Variants in PLXNA4 observed in about 807,000 individuals in gnomAD.
PLXNA4 encodes plexin A4, also known as plexin-A4.
PLXNA4 carries 44 observed loss-of-function variants against 191.8 expected under a neutral mutation model. That is an observed-to-expected ratio of 0.23 (90% CI 0.18 to 0.29). The LOEUF (loss-of-function observed/expected upper bound fraction) is 0.29, where lower values mean the gene tolerates loss of function less well. PLXNA4 is among the 10% of genes least tolerant of loss of function. PLXNA4 has a pLI of 1.00. For synonymous variants in PLXNA4, 1,082 were observed against 1,009.5 expected (o/e 1.07, Z -1.36); for missense variants, 1,800 against 2,488.8 (o/e 0.72, Z 5.89).
intron 29 of PLXNA4, 87 bp from the exon 30 acceptor site, chr7:132,140,898 A>G: frequency 1.3e-6 from 2 of 1,547,760 alleles, no homozygotes. Context: ...AGAAGGAGAG[A>G]AGCCTGGGGA....
At chr7:132,558,781 G>A (rs1032708676) in intron 1 of PLXNA4, among the ~76,000 whole-genome samples, 4 of 152,164 alleles carry the variant, frequency 2.6e-5, no homozygotes, top group South Asian at 4.1e-4. Context: ...CTTCTCATCC[G>A]AGCATAAAGC....
At chr7:132,423,237 C>T (rs138355327) in intron 3 of PLXNA4, among the ~76,000 whole-genome samples, 1 of 152,350 alleles carries the variant, frequency 6.6e-6, no homozygotes, top group East Asian at 1.9e-4. Context: ...TTCACTTTTA[C>T]ATCAATCAGA....
At chr7:132,311,156 T>TTGTGTGTGTG (rs749947062) in intron 3 of PLXNA4, among the ~76,000 whole-genome samples, 5,249 of 131,982 alleles carry the variant, frequency 0.04, 156 homozygotes, top group African/African-American at 0.076. Context: ...TCTAGGATAA[T>TTGTGTGTGTG]TGTGTGTGTG....
chr7:132,523,640 T>A (rs1274997324), intron 1 of PLXNA4, among the ~76,000 whole-genome samples: 1 of 152,194 alleles, frequency 6.6e-6, no homozygotes, highest in Non-Finnish European at 1.5e-5. Context: ...GCTAGCAAGC[T>A]CAGTCTGGCT....
At position 132,223,571 on chromosome 7, in the gene PLXNA4, G is replaced by A; in HGVS notation, c.2053C>T (p.Pro685Ser). Residue 685 changes from proline to serine, a missense_variant, in exon 9 of 32, where the codon CCC becomes TCC. Physicochemically the swap from Pro to Ser is moderately conservative, Grantham distance 74. This residue lies in a region of PLXNA4 where 1,397 missense variants were observed against 1,880.4 expected (regional missense o/e 0.74). Transcript: ENST00000321063. The part of the protein sequence containing the change: ...CKYRHVCTHD[P>S]KTCSFQEGRV... ...CCTTCCTGGAAGGAGCAGGTCTTGG[G>A]GTCATGGGTGCAGACATGCCGGTAT... The A allele has an allele frequency of 6.2e-7, 1 of 1,613,764 alleles. No individual in the cohort carries two copies. The highest frequency in any genetic ancestry group is 8.5e-7 in the Non-Finnish European group (1 of 1,179,886).
chr7:132,375,792 G>A (rs1804635541), intron 3 of PLXNA4, among the ~76,000 whole-genome samples: 1 of 152,240 alleles, frequency 6.6e-6, no homozygotes, highest in Admixed American at 6.5e-5. Flanking sequence ...TCAGTCAGCA[G>A]GGTGGGAAAC....
intron 1 of PLXNA4, among the ~76,000 whole-genome samples, chr7:132,557,713 T>C (rs1800864614): frequency 6.6e-6 from 1 of 152,108 alleles, no homozygotes; most frequent in East Asian, 1.9e-4. Flanking sequence ...AGAGACCAAC[T>C]CATTAGGTGC....
At chr7:132,160,659 C>T (rs993322795) in intron 24 of PLXNA4, among the ~76,000 whole-genome samples, 3 of 152,128 alleles carry the variant, frequency 2.0e-5, no homozygotes, top group African/African-American at 7.2e-5. Context: ...TCTGGGCTCC[C>T]GAACTCTCCC....
chr7:132,580,967 C>G (rs144336942), upstream of PLXNA4, among the ~76,000 whole-genome samples: 4 of 152,292 alleles, frequency 2.6e-5, no homozygotes, highest in East Asian at 7.7e-4. Flanking sequence ...AGGAGCCTTC[C>G]GCAGTGACAC....
chr7:132,601,607 CAGA>C (rs1802821905), intron 2 of PLXNA4, among the ~76,000 whole-genome samples: 1 of 152,152 alleles, frequency 6.6e-6, no homozygotes, highest in Non-Finnish European at 1.5e-5. Flanking sequence ...TCTTACATGA[CAGA>C]AGAACAAGAT....
In PLXNA4 at chr7:132,294,544, T is replaced by C. The variant is rs150933807; in HGVS notation, c.1503+3547A>G. The stretch of plus-strand genomic sequence containing the variant: ...GGAGAAAAGACTGGAAAGACAAAGG[T>C]GGAAACAGAGAGAGTAGTTGGAGGG... On this transcript the variant is annotated intron_variant, in intron 4 of 31. Coordinates refer to ENST00000321063, the MANE Select transcript of PLXNA4 (RefSeq NM_020911.2). 4.7e-3 allele frequency among the ~76,000 whole-genome samples: 718 copies of C among 152,162 alleles called. 5 individuals are homozygous for C. The highest frequency in any genetic ancestry group is 0.016 in the African/African-American group (675 of 41,486).
chr7:132,164,601 C>T (rs1796045163), intron 23 of PLXNA4, among the ~76,000 whole-genome samples: 1 of 152,100 alleles, frequency 6.6e-6, no homozygotes, highest in African/African-American at 2.4e-5. Flanking sequence ...CTCTCCCTCC[C>T]CACCTCACCC....
intron 1 of PLXNA4, among the ~76,000 whole-genome samples, chr7:132,543,059 T>C (rs1175671196): frequency 6.6e-6 from 1 of 152,260 alleles, no homozygotes; most frequent in Non-Finnish European, 1.5e-5. Flanking sequence ...TTTGATTACA[T>C]GCTGGACATT....
intron 24 of PLXNA4, among the ~76,000 whole-genome samples, chr7:132,163,314 G>A (rs1377823741): frequency 6.6e-6 from 1 of 152,216 alleles, no homozygotes; most frequent in Non-Finnish European, 1.5e-5. Flanking sequence ...TAGTGCATGA[G>A]TATGACGCGG....
At position 132,252,846 on chromosome 7, in the gene PLXNA4, A is replaced by T. The variant is rs954822359; in HGVS notation, c.1504-11680T>A. ...AATATCCATCCACAGGGGGCTGGCTAAAAAAATCGTGGCACATCTACACTC... is the reference window on the plus strand; with the variant it reads ...AATATCCATCCACAGGGGGCTGGCTTAAAAAATCGTGGCACATCTACACTC... On this transcript the variant is annotated intron_variant, in intron 4 of 31. Transcript: ENST00000321063. 2.0e-5 allele frequency among the ~76,000 whole-genome samples: 3 copies of T among 151,188 alleles called. No homozygotes were observed. In the East Asian group the frequency reaches 5.8e-4, roughly 29 times the overall value.
chr7:132,243,487 C>G (rs1798949085), intron 4 of PLXNA4, among the ~76,000 whole-genome samples: 1 of 152,190 alleles, frequency 6.6e-6, no homozygotes, highest in Admixed American at 6.5e-5. Flanking sequence ...TCTCAAAAAC[C>G]TTTGCATTCA....
intron 1 of PLXNA4, among the ~76,000 whole-genome samples, chr7:132,544,746 C>CAG (rs1480948887): frequency 7.9e-5 from 12 of 152,330 alleles, no homozygotes; most frequent in African/African-American, 2.9e-4. Context: ...TCATGCACTA[C>CAG]AGATATTTTT....
At chr7:132,613,870 T>A (rs1370319272) in intron 2 of PLXNA4, among the ~76,000 whole-genome samples, 1 of 152,014 alleles carries the variant, frequency 6.6e-6, no homozygotes, top group Admixed American at 6.5e-5. Flanking sequence ...AAGAAAAAAA[T>A]GTTCCACAGT....
intron 2 of PLXNA4, among the ~76,000 whole-genome samples, chr7:132,607,330 C>G (rs369316376): frequency 2.7e-4 from 41 of 152,136 alleles, no homozygotes; most frequent in African/African-American, 8.7e-4. Context: ...ACCTTCTCCC[C>G]CTCCTGCCTC....
Sources: allele counts gnomAD v4.1 joint callset (sites outside exome capture counted in the v4.1 genomes callset), GRCh38; gene constraint gnomAD v4.1.1; regional missense constraint gnomAD v4.1.1; transcripts MANE v1.5; gene names NCBI Gene and HGNC (gene_info 2026-07-23, HGNC 2026-07-21).